The following TMEM117 variants were observed in gnomAD, a reference collection of about 807,000 sequenced individuals.
TMEM117 encodes transmembrane protein 117.
In TMEM117, 27 loss-of-function variants were observed where a neutral mutation model predicts 52.4. The observed-to-expected ratio is 0.51, with a 90% CI of 0.38 to 0.71. The LOEUF (loss-of-function observed/expected upper bound fraction) is 0.71. TMEM117 is among the 30% of genes least tolerant of loss of function. The probability of loss-of-function intolerance (pLI) is 0.00; values close to 1 mark genes in which losing one functional copy is unlikely to be tolerated. For synonymous variants in TMEM117, 215 were observed against 206.3 expected, an observed-to-expected ratio of 1.04 and a Z score of -0.36; for missense variants, 556 against 630.5, an observed-to-expected ratio of 0.88 and a Z score of 1.26.
intron 5 of TMEM117, among the ~76,000 whole-genome samples, chr12:44,275,770 G>T (rs1203488888): frequency 6.6e-6 from 1 of 151,896 alleles, no homozygotes; most frequent in Non-Finnish European, 1.5e-5. Flanking sequence ...CATGGACATA[G>T]AGAGTAGAAG....
intron 4 of TMEM117, among the ~76,000 whole-genome samples, chr12:44,172,259 C>A (rs1041795671): frequency 2.0e-4 from 30 of 152,212 alleles, no homozygotes; most frequent in African/African-American, 7.2e-4. Context: ...GAAATGTGTT[C>A]TCTCCCAGTT....
At chr12:44,187,575 A>T (rs1172798927) in intron 4 of TMEM117, among the ~76,000 whole-genome samples, 1 of 152,134 alleles carries the variant, frequency 6.6e-6, no homozygotes, top group Non-Finnish European at 1.5e-5. Flanking sequence ...TGGGATCTCT[A>T]ACCTGGAGGA....
intron 5 of TMEM117, among the ~76,000 whole-genome samples, chr12:44,258,252 A>C (rs1210408660): frequency 6.9e-6 from 1 of 144,488 alleles, no homozygotes; most frequent in Non-Finnish European, 1.5e-5. Flanking sequence ...ATTCTATTAC[A>C]TTCAAAAATG....
chr12:44,307,296 C>T (rs1012444073), intron 6 of TMEM117, among the ~76,000 whole-genome samples: 1 of 152,156 alleles, frequency 6.6e-6, no homozygotes, highest in Non-Finnish European at 1.5e-5. Flanking sequence ...CAACTGATTA[C>T]ATTTACAGGC....
At position 43,972,506 on chromosome 12, in the gene TMEM117, G is replaced by A. The variant is rs534205989; in HGVS notation, c.410+28164G>A. Among the ~76,000 whole-genome samples the A allele has an allele frequency of 1.2e-4, 19 of 152,308 alleles. No individual in the cohort carries two copies. The East Asian group carries it at 3.5e-3, about 28-fold the overall frequency. ...GGATGCAAGTGGGTTGCCGCTGGTG[G>A]CTGGGGTGGCCAGCTTTTATTTCCT... On this transcript the variant is annotated intron_variant, in intron 3 of 7. Transcript: ENST00000266534.
intron 6 of TMEM117, among the ~76,000 whole-genome samples, chr12:44,358,379 G>A (rs757332387): frequency 1.3e-5 from 2 of 152,000 alleles, no homozygotes; most frequent in Admixed American, 1.3e-4. Context: ...TAAAGAAGTA[G>A]CAAGTATTCT....
rs181786239 is a variant in TMEM117 at position 44,273,163 on chromosome 12, T to A, written c.609-26417T>A. Among the ~76,000 whole-genome samples the A allele has an allele frequency of 3.1e-3, 467 of 151,976 alleles. 7 individuals carry two copies. Among genetic ancestry groups the A allele is most frequent in the African/African-American group, 0.01 (421 of 41,428 alleles). Reference sequence around the variant, plus strand: ...GCATGTTCTCACTCACAGGTGAGAATTGAACAATGAGAACACTTGGACACA... The same window carrying A: ...GCATGTTCTCACTCACAGGTGAGAAATGAACAATGAGAACACTTGGACACA... On this transcript the variant is annotated intron_variant, in intron 5 of 7. Transcript: ENST00000266534.
intron 3 of TMEM117, among the ~76,000 whole-genome samples, chr12:43,995,550 T>C (rs868341356): frequency 6.6e-6 from 1 of 152,194 alleles, no homozygotes; most frequent in Non-Finnish European, 1.5e-5. Flanking sequence ...TTTAAGTCAA[T>C]AGTTTTTGGG....
chr12:44,364,612 T>C (rs1028618757), intron 6 of TMEM117, among the ~76,000 whole-genome samples: 50 of 152,186 alleles, frequency 3.3e-4, no homozygotes, highest in African/African-American at 1.1e-3. Flanking sequence ...CTGATCATAA[T>C]TATGAGCAAA....
At chr12:43,853,288 A>AT (rs1307284366) in intron 2 of TMEM117, among the ~76,000 whole-genome samples, 1 of 151,738 alleles carries the variant, frequency 6.6e-6, no homozygotes, top group African/African-American at 2.4e-5. Context: ...TACCTTTTTT[A>AT]TTTTTTGAGA....
At chr12:44,371,595 C>T (rs1951864660) in intron 6 of TMEM117, among the ~76,000 whole-genome samples, 2 of 152,102 alleles carry the variant, frequency 1.3e-5, no homozygotes, top group Non-Finnish European at 2.9e-5. Context: ...TCTAACACTT[C>T]TCTAAATAGA....
At chr12:43,914,763 A>G (rs1301602620) in intron 2 of TMEM117, among the ~76,000 whole-genome samples, 1 of 152,190 alleles carries the variant, frequency 6.6e-6, no homozygotes, top group Non-Finnish European at 1.5e-5. Flanking sequence ...GCATTTGGGT[A>G]TGTGGAAACT....
At chr12:44,379,449 T>C (rs573990823) in intron 7 of TMEM117, among the ~76,000 whole-genome samples, 2 of 152,182 alleles carry the variant, frequency 1.3e-5, no homozygotes, top group African/African-American at 4.8e-5. Context: ...CCCAGTTTGT[T>C]CACATGCATC....
the TMEM117 span, chr12:43,802,195 A>G: frequency 1.2e-6 from 1 of 822,612 alleles, no homozygotes; most frequent in Non-Finnish European, 1.8e-6. Flanking sequence ...ATGGGAAATA[A>G]TTATTGTTTT....
intron 5 of TMEM117, among the ~76,000 whole-genome samples, chr12:44,280,248 A>C (rs1950561737): frequency 6.6e-6 from 1 of 152,172 alleles, no homozygotes; most frequent in Non-Finnish European, 1.5e-5. Flanking sequence ...CAGTTCATAA[A>C]TTTAACAATC....
chr12:44,008,637 A>G (rs1320919), intron 3 of TMEM117: 212,079 of 230,868 alleles, frequency 0.92, 97,589 homozygotes, highest in East Asian at 0.96. Flanking sequence ...AGCGACATTA[A>G]ACATGCCTTC....
chr12:44,000,399 T>G (rs12301507), intron 3 of TMEM117, among the ~76,000 whole-genome samples: 23,444 of 152,160 alleles, frequency 0.15, 2,925 homozygotes, highest in African/African-American at 0.34. Context: ...CTTGTTTGAA[T>G]ACAGCTGACT....
chr12:43,901,226 G>A (rs375497961), intron 2 of TMEM117, among the ~76,000 whole-genome samples: 27 of 152,202 alleles, frequency 1.8e-4, no homozygotes, highest in African/African-American at 6.3e-4. Flanking sequence ...GTTTCTGCTA[G>A]TAGCATATGA....
chr12:43,813,246 T>G, the TMEM117 span, among the ~76,000 whole-genome samples: 3 of 137,018 alleles, frequency 2.2e-5, no homozygotes, highest in African/African-American at 5.5e-5. Context: ...TTTTTTTTTT[T>G]TTTTTTTTTT....
Sources: allele counts gnomAD v4.1 joint callset (sites outside exome capture counted in the v4.1 genomes callset), GRCh38; gene constraint gnomAD v4.1.1; transcripts MANE v1.5; gene names NCBI Gene and HGNC (gene_info 2026-07-23, HGNC 2026-07-21).